The following MAGI1 variants were observed in gnomAD, a reference collection of about 807,000 sequenced individuals.
MAGI1 encodes the protein membrane-associated guanylate kinase, WW and PDZ domain-containing protein 1.
In MAGI1, 58 loss-of-function variants were observed where a neutral mutation model predicts 139.9. That is an observed-to-expected ratio of 0.41 (90% CI 0.34 to 0.52). The LOEUF (loss-of-function observed/expected upper bound fraction) is 0.52. Ranked by LOEUF, MAGI1 falls within the 20% of genes least tolerant of loss-of-function variation. The pLI, the probability that MAGI1 is intolerant of heterozygous loss-of-function variation, is 0.12. For synonymous variants in MAGI1, 812 were observed against 737.9 expected (o/e 1.10, Z -1.63); for missense variants, 1,874 against 1,901.6 (o/e 0.99, Z 0.27).
rs1186802109 is a variant in MAGI1, at chr3:65,440,026, C to A, written c.1137-14G>T. 6.2e-7 allele frequency: 1 copy of A among 1,613,750 alleles called. No individual in the cohort carries two copies. Among genetic ancestry groups the A allele is most frequent in the Non-Finnish European group, 8.5e-7 (1 of 1,179,900 alleles). ...CTGTTGATGTGGCTGGGGAAGATAG[C>A]AAATAGTATTCAGCTTGAAACAGTT... On this transcript the variant is annotated splice_polypyrimidine_tract_variant and intron_variant, in intron 8 of 22. Transcript: ENST00000402939.
At chr3:65,460,145 T>G (rs1949674291) in intron 5 of MAGI1, among the ~76,000 whole-genome samples, 1 of 152,190 alleles carries the variant, frequency 6.6e-6, no homozygotes, top group Non-Finnish European at 1.5e-5. Context: ...CTGCATCGAT[T>G]CATATGAGCA....
intron 12 of MAGI1, among the ~76,000 whole-genome samples, chr3:65,422,784 C>T (rs892776718): frequency 3.3e-5 from 5 of 151,936 alleles, no homozygotes; most frequent in Non-Finnish European, 5.9e-5. Flanking sequence ...ACCTCCGAGC[C>T]GAGGCCTGAA....
At chr3:65,411,852 C>T (rs1377731647) in intron 12 of MAGI1, among the ~76,000 whole-genome samples, 2 of 152,118 alleles carry the variant, frequency 1.3e-5, no homozygotes, top group East Asian at 3.9e-4. Context: ...GCTTCTTTTT[C>T]TCTCTCCCAC....
At chr3:65,517,632 G>A (rs2077967494) in intron 2 of MAGI1, among the ~76,000 whole-genome samples, 1 of 152,182 alleles carries the variant, frequency 6.6e-6, no homozygotes, top group African/African-American at 2.4e-5. Flanking sequence ...CGCCCTGGCA[G>A]CATAAGTTGG....
intron 6 of MAGI1, among the ~76,000 whole-genome samples, chr3:65,450,735 G>T (rs1030083988): frequency 6.6e-6 from 1 of 152,028 alleles, no homozygotes; most frequent in Non-Finnish European, 1.5e-5. Context: ...TCTCAAACCA[G>T]TTTCTCGATT....
chr3:66,033,640 T>C (rs2068760980), intron 1 of MAGI1, among the ~76,000 whole-genome samples: 1 of 152,194 alleles, frequency 6.6e-6, no homozygotes, highest in Non-Finnish European at 1.5e-5. Context: ...CAACCATATG[T>C]GATCACAATT....
chr3:65,891,885 A>AATATAT (rs55826911), intron 1 of MAGI1, among the ~76,000 whole-genome samples: 1 of 37,552 alleles, frequency 2.7e-5, no homozygotes, highest in Non-Finnish European at 6.0e-5. Flanking sequence ...CTTAAAGTAT[A>AATATAT]ATATATATAT....
At chr3:65,558,100 T>C (rs1464990697) in intron 2 of MAGI1, among the ~76,000 whole-genome samples, 1 of 152,194 alleles carries the variant, frequency 6.6e-6, no homozygotes, top group East Asian at 1.9e-4. Context: ...AGGGCACCAA[T>C]AGGCTTTCTC....
At chr3:65,621,775 T>C (rs938708685) in intron 2 of MAGI1, among the ~76,000 whole-genome samples, 197 bp downstream of exon 2, 10 of 152,162 alleles carry the variant, frequency 6.6e-5, no homozygotes, top group Non-Finnish European at 1.0e-4. Flanking sequence ...TTGCCCCACA[T>C]TGCAGAGCCA....
At chr3:65,518,317 A>G (rs1029016684) in intron 2 of MAGI1, among the ~76,000 whole-genome samples, 1 of 152,154 alleles carries the variant, frequency 6.6e-6, no homozygotes, top group Non-Finnish European at 1.5e-5. Context: ...ATATTTATTT[A>G]TCTTTCTTAT....
intron 8 of MAGI1, among the ~76,000 whole-genome samples, chr3:65,442,518 T>G (rs1180721426): frequency 6.6e-6 from 1 of 152,152 alleles, no homozygotes; most frequent in Non-Finnish European, 1.5e-5. Flanking sequence ...ACTCATTAAG[T>G]ACCTGCCATA....
chr3:65,562,535 C>T (rs1426422922), intron 2 of MAGI1, among the ~76,000 whole-genome samples: 1 of 152,102 alleles, frequency 6.6e-6, no homozygotes, highest in Non-Finnish European at 1.5e-5. Flanking sequence ...GTTTCCCAGG[C>T]TATAGTACAG....
intron 1 of MAGI1, among the ~76,000 whole-genome samples, chr3:65,776,247 C>CTTTTTTTTTTTTTTTTTTTT (rs5849693): frequency 7.1e-6 from 1 of 141,546 alleles, no homozygotes; most frequent in Non-Finnish European, 1.5e-5. Context: ...AGTTGGGTTT[C>CTTTTTTTTTTTTTTTTTTTT]TTTTTTTTTT....
intron 1 of MAGI1, among the ~76,000 whole-genome samples, chr3:65,956,228 A>G (rs181155360): frequency 4.3e-4 from 66 of 152,346 alleles, no homozygotes; most frequent in Admixed American, 2.2e-3. Context: ...CTGTTTGATA[A>G]TAACTATGGG....
chr3:65,609,636 G>C (rs1476292731), intron 2 of MAGI1: 1 of 155,882 alleles, frequency 6.4e-6, no homozygotes, highest in East Asian at 1.9e-4. Context: ...CCACCCTGAA[G>C]TGCAGTGGCA....
chr3:66,000,798 C>G (rs1411954308), intron 1 of MAGI1, among the ~76,000 whole-genome samples: 2 of 152,192 alleles, frequency 1.3e-5, no homozygotes, highest in African/African-American at 4.8e-5. Flanking sequence ...TCATATCAGG[C>G]TTTTACAGAA....
intron 2 of MAGI1, chr3:65,597,966 GGGCGCCTC>G: frequency 2.2e-6 from 1 of 453,090 alleles, no homozygotes; most frequent in Non-Finnish European, 4.4e-6. Flanking sequence ...GGAGAGCTGG[GGGCGCCTC>G]GGCCACCTGA....
At chr3:65,956,836 T>TA (rs1429925973) in intron 1 of MAGI1, among the ~76,000 whole-genome samples, 2 of 151,630 alleles carry the variant, frequency 1.3e-5, no homozygotes, top group African/African-American at 2.4e-5. Flanking sequence ...CATCTCTATA[T>TA]AAAAAATGCA....
intron 2 of MAGI1, among the ~76,000 whole-genome samples, chr3:65,509,776 G>A (rs1271432930): frequency 1.3e-5 from 2 of 152,030 alleles, no homozygotes; most frequent in Non-Finnish European, 1.5e-5. Context: ...AAGCAGCTGG[G>A]AAGCTCGAAC....
Sources: gnomAD v4.1 joint callset for allele counts (sites outside exome capture counted in the v4.1 genomes callset) on GRCh38, gnomAD v4.1.1 for gene constraint, MANE v1.5 for transcripts, NCBI Gene and HGNC (gene_info 2026-07-23, HGNC 2026-07-21) for gene names.